TUBG2: variants seen among roughly 807,000 people sequenced by gnomAD.
The protein encoded by TUBG2 is tubulin gamma 2, also known as tubulin gamma-2 chain.
A neutral mutation model predicts 55.1 loss-of-function variants in TUBG2; 39 were observed. The ratio of observed to expected loss-of-function variants is 0.71; its 90% CI spans 0.55 to 0.93. The LOEUF is 0.93. Ranked by LOEUF, TUBG2 falls within the 40% of genes least tolerant of loss-of-function variation. TUBG2 has a pLI of 0.00. For synonymous variants in TUBG2, 223 were observed against 241.0 expected, an observed-to-expected ratio of 0.93 and a Z score of 0.69; for missense variants, 358 against 599.1, an observed-to-expected ratio of 0.60 and a Z score of 4.20.
chr17:42,660,867 C>A, intron 4 of TUBG2, 160 bp downstream of exon 4: 1 of 630,788 alleles, frequency 1.6e-6, no homozygotes. Flanking sequence ...AAGATATAAT[C>A]TTTGTTCTCA....
Position 42,660,180 on chromosome 17 carries a change from T to G in TUBG2, c.194T>G (p.Val65Gly), listed in dbSNP as rs1159948199. 1 of 1,609,140 alleles carries G rather than the reference T, an allele frequency of 6.2e-7. No individual in the cohort carries two copies. The highest frequency in any genetic ancestry group is 1.7e-5 in the Admixed American group (1 of 59,746). ...GATGAGCACTACATCCCCCGGGCCG[T>G]GCTGCTGGACTTGGAACCCCGGGTG... ...ADDEHYIPRA[V>G]LLDLEPRVIH... The change falls in exon 3 of 11, where the codon GTG becomes GGG. Residue 65 changes from valine (V) to glycine (G), a missense_variant. Val to Gly is a moderately radical substitution (Grantham distance 109, BLOSUM62 -3). Coordinates refer to ENST00000251412, the MANE Select transcript of TUBG2 (RefSeq NM_016437.3).
At chr17:42,660,730 G>A (rs1597769542) in intron 4 of TUBG2, 23 bp downstream of exon 4, 2 of 1,611,920 alleles carry the variant, frequency 1.2e-6, no homozygotes, top group African/African-American at 2.7e-5. Flanking sequence ...AGTGGGGGAA[G>A]GAATGGGCAG....
intron 6 of TUBG2, 93 bp from the exon 7 acceptor site, chr17:42,665,382 TC>T (rs1344929642): frequency 7.6e-6 from 12 of 1,588,132 alleles, no homozygotes; most frequent in African/African-American, 1.3e-5. Context: ...CAAACCTACT[TC>T]CTGGCTTTGG....
Position 42,659,335 on chromosome 17 carries a change from G to C in TUBG2, c.-169G>C, listed in dbSNP as rs759635748. On this transcript the variant is annotated 5_prime_UTR_variant, in exon 1 of 11. Coordinates refer to ENST00000251412, the MANE Select transcript of TUBG2 (RefSeq NM_016437.3). ...AAATGATGCCCAGGTTGGGCTCCCCGGCCCACCGGCCGAGGAGAGGCCTGC... is the reference window on the plus strand; with the variant it reads ...AAATGATGCCCAGGTTGGGCTCCCCCGCCCACCGGCCGAGGAGAGGCCTGC... 1 of 624,394 alleles carries C rather than the reference G, an allele frequency of 1.6e-6. No individual in the cohort carries two copies. Among genetic ancestry groups the C allele is most frequent in the East Asian group, 3.3e-5 (1 of 30,016 alleles). The allele number at this position is 624,394 out of a possible 1,614,324, so 38.7% of individuals were successfully genotyped here. A position where few individuals can be genotyped will look rare whatever the true frequency, so the allele number is the denominator to read the frequency against.
intron 6 of TUBG2, among the ~76,000 whole-genome samples, chr17:42,664,276 TAAAA>T (rs11361586): frequency 3.6e-5 from 5 of 140,218 alleles, no homozygotes; most frequent in Non-Finnish European, 4.6e-5. Context: ...ACCTTGTGTT[TAAAA>T]AAAAAAAAAA....
intron 6 of TUBG2, among the ~76,000 whole-genome samples, chr17:42,664,498 C>T (rs1248776369): frequency 1.3e-5 from 2 of 152,112 alleles, no homozygotes; most frequent in Non-Finnish European, 2.9e-5. Flanking sequence ...CACACCACCA[C>T]GTATCCCACC....
In TUBG2 at chr17:42,659,377, C is replaced by T; in HGVS notation, c.-127C>T. The T allele has an allele frequency of 9.8e-7, 1 of 1,015,850 alleles. No homozygotes were observed. Among genetic ancestry groups the T allele is most frequent in the Non-Finnish European group, 1.4e-6 (1 of 715,566 alleles). 62.9% of individuals were successfully genotyped at this position (1,015,850 alleles called of 1,614,324 possible). ...GAGGCCTGCGCTGCACACGCGCAGA[C>T]CGAGCATCCGCGTCAAGAGGCGAAG... On this transcript the variant is annotated 5_prime_UTR_variant, in exon 1 of 11. Transcript: ENST00000251412.
chr17:42,660,051 G>T, intron 2 of TUBG2, 98 bp from the exon 3 acceptor site: 1 of 1,330,852 alleles, frequency 7.5e-7, no homozygotes, highest in Non-Finnish European at 1.0e-6. Flanking sequence ...CCAGGCGGCT[G>T]GCTTGAGGAG....
At chr17:42,664,394 C>G (rs940950738) in intron 6 of TUBG2, among the ~76,000 whole-genome samples, 5 of 151,974 alleles carry the variant, frequency 3.3e-5, no homozygotes, top group Non-Finnish European at 7.4e-5. Flanking sequence ...AAAGCCATAC[C>G]TGTGGGCCAA....
chr17:42,663,126 A>G (rs987361737), intron 5 of TUBG2, 74 bp downstream of exon 5: 1 of 1,519,196 alleles, frequency 6.6e-7, no homozygotes, highest in Admixed American at 1.8e-5. Flanking sequence ...CTCTTGAGCT[A>G]GAAAGTCTGC....
At chr17:42,661,772 C>T (rs2143516435) in intron 4 of TUBG2, among the ~76,000 whole-genome samples, 1 of 152,344 alleles carries the variant, frequency 6.6e-6, no homozygotes, top group South Asian at 2.1e-4. Flanking sequence ...AAGTAAGTGT[C>T]TCCTTGAGTT....
chr17:42,660,566 C>A, intron 3 of TUBG2, 73 bp from the exon 4 acceptor site: 1 of 1,452,874 alleles, frequency 6.9e-7, no homozygotes. Context: ...AGACAGAATT[C>A]TTGGTGCTGT....
chr17:42,660,602 C>T (rs1211689722), intron 3 of TUBG2, 37 bp from the exon 4 acceptor site: 17 of 1,590,140 alleles, frequency 1.1e-5, no homozygotes, highest in Non-Finnish European at 1.4e-5. Context: ...TCTCTGGAAC[C>T]TTTGGCCTGA....
At position 42,665,750 on chromosome 17, in the gene TUBG2, C is replaced by T. The variant is rs1236759971; in HGVS notation, c.766C>T (p.Leu256Phe). The T allele has an allele frequency of 4.3e-6, 7 of 1,614,100 alleles. No homozygotes were observed. The African/African-American group carries it at 6.7e-5, about 15-fold the overall frequency. The change falls in exon 8 of 11, where the codon CTC (leucine) becomes TTC (phenylalanine). Residue 256 changes from leucine (L) to phenylalanine (F), a missense_variant. By Grantham distance (22) the Leu-to-Phe change is conservative. Coordinates refer to ENST00000251412, the MANE Select transcript of TUBG2 (RefSeq NM_016437.3). The part of the protein sequence containing the change: ...PGYMNNDLIG[L>F]IASLIPTPRL... ...CTACATGAACAATGACCTCATCGGC[C>T]TCATCGCCTCGCTCATTCCCACCCC...
Position 42,666,597 on chromosome 17 carries a change from T to C in TUBG2, c.1159-6T>C, listed in dbSNP as rs1426736006. 9 of 1,614,034 alleles carry C rather than the reference T, an allele frequency of 5.6e-6. No homozygotes were observed. The highest frequency in any genetic ancestry group is 8.5e-7 in the Non-Finnish European group (1 of 1,180,020). On this transcript the variant is annotated splice_region_variant and splice_polypyrimidine_tract_variant and intron_variant, in intron 10 of 10. Coordinates refer to ENST00000251412, the MANE Select transcript of TUBG2 (RefSeq NM_016437.3). ...CTCGCATTTTGGAGATTTTCATCTC[T>C]TTCAGCTCTTTGAAAGTTCCTGCCA...
At chr17:42,661,859 G>A (rs1201655060) in intron 4 of TUBG2, among the ~76,000 whole-genome samples, 2 of 152,238 alleles carry the variant, frequency 1.3e-5, no homozygotes, top group Non-Finnish European at 1.5e-5. Flanking sequence ...GTTGGTCAGA[G>A]GCACAGATAA....
At chr17:42,660,613 C>T (rs996225660) in intron 3 of TUBG2, 26 bp from the exon 4 acceptor site, 1 of 1,606,134 alleles carries the variant, frequency 6.2e-7, no homozygotes. Context: ...TTTGGCCTGA[C>T]CCTCCCTTTC....
chr17:42,666,972 C>G lies in TUBG2; in HGVS notation c.*172C>G. ...CCTAACTTTTAATATGCTTGTTCAGCTCTAATAAAGTAATAAAGCTTGGTT... is the reference window on the plus strand; with the variant it reads ...CCTAACTTTTAATATGCTTGTTCAGGTCTAATAAAGTAATAAAGCTTGGTT... On this transcript the variant is annotated 3_prime_UTR_variant, in exon 11 of 11. Transcript: ENST00000251412. The G allele has an allele frequency of 3.0e-6, 2 of 658,570 alleles. No homozygotes were observed. The highest frequency in any genetic ancestry group is 5.1e-6 in the Non-Finnish European group (2 of 389,732). The allele number at this position is 658,570 out of a possible 1,614,324, so 40.8% of individuals were successfully genotyped here.
At chr17:42,661,105 C>T (rs781195228) in intron 4 of TUBG2, 2 of 215,842 alleles carry the variant, frequency 9.3e-6, no homozygotes, top group South Asian at 8.6e-5. Flanking sequence ...TCCTGGCTTA[C>T]AGCTCTTATA....
Sources: gnomAD v4.1 joint callset for allele counts (sites outside exome capture counted in the v4.1 genomes callset) on GRCh38, gnomAD v4.1.1 for gene constraint, MANE v1.5 for transcripts, NCBI Gene and HGNC (gene_info 2026-07-23, HGNC 2026-07-21) for gene names.